The following FRMPD1 variants were observed in gnomAD, a reference collection of about 807,000 sequenced individuals.
FRMPD1 encodes FERM and PDZ domain containing 1.
A neutral mutation model predicts 117.8 loss-of-function variants in FRMPD1; 76 were observed. The observed-to-expected ratio is 0.65, with a 90% CI of 0.54 to 0.78. The LOEUF (loss-of-function observed/expected upper bound fraction) is 0.78. FRMPD1 is among the 30% of genes least tolerant of loss of function. The pLI is 0.00. For synonymous variants in FRMPD1, 783 were observed against 770.4 expected, an observed-to-expected ratio of 1.02 and a Z score of -0.27; for missense variants, 1,786 against 1,964.5, an observed-to-expected ratio of 0.91 and a Z score of 1.72.
upstream of FRMPD1, among the ~76,000 whole-genome samples, chr9:37,647,451 G>A (rs1824162303): frequency 6.6e-6 from 1 of 150,480 alleles, no homozygotes; most frequent in South Asian, 2.1e-4. Flanking sequence ...GGAGGAGCTT[G>A]CAGTGAGCCG....
At chr9:37,680,036 G>A (rs1022277053) in intron 1 of FRMPD1, among the ~76,000 whole-genome samples, 26 of 152,202 alleles carry the variant, frequency 1.7e-4, no homozygotes, top group African/African-American at 5.8e-4. Context: ...GATGACTTGT[G>A]TGACCAACTT....
At chr9:37,634,719 A>G in the FRMPD1 span, among the ~76,000 whole-genome samples, 1 of 151,470 alleles carries the variant, frequency 6.6e-6, no homozygotes, top group African/African-American at 2.4e-5. Flanking sequence ...GTTTCCTAAG[A>G]CAAGATACAT....
At chr9:37,660,542 T>C (rs1820970986) in intron 1 of FRMPD1, among the ~76,000 whole-genome samples, 1 of 152,178 alleles carries the variant, frequency 6.6e-6, no homozygotes. Context: ...CCTCCGCTTC[T>C]CATTTCTCTT....
At chr9:37,647,275 C>T (rs970896220), upstream of FRMPD1, among the ~76,000 whole-genome samples, 7 of 151,858 alleles carry the variant, frequency 4.6e-5, no homozygotes, top group East Asian at 1.3e-3. Context: ...TTTGGGAGGT[C>T]GAGACGGGCG....
chr9:37,683,605 G>A (rs1331330475), intron 1 of FRMPD1, among the ~76,000 whole-genome samples: 3 of 152,234 alleles, frequency 2.0e-5, no homozygotes, highest in African/African-American at 7.2e-5. Context: ...ACGAGGGCAT[G>A]AGAAACCAAA....
intron 6 of FRMPD1, among the ~76,000 whole-genome samples, chr9:37,720,945 G>A (rs1823374059): frequency 6.6e-6 from 1 of 152,248 alleles, no homozygotes; most frequent in Admixed American, 6.5e-5. Context: ...CATGCACAGT[G>A]ATGAGTAGTG....
intron 12 of FRMPD1, 43 bp downstream of exon 12, chr9:37,733,868 C>A: frequency 1.9e-6 from 2 of 1,030,982 alleles, no homozygotes; most frequent in South Asian, 1.3e-5. Flanking sequence ...CGTAAGGGAC[C>A]TTAGAGATCC....
chr9:37,610,050 C>T, the FRMPD1 span, among the ~76,000 whole-genome samples: 4 of 152,220 alleles, frequency 2.6e-5, no homozygotes, highest in Non-Finnish European at 5.9e-5. Flanking sequence ...TGTTTCTTCC[C>T]AACTTTAGTT....
the FRMPD1 span, among the ~76,000 whole-genome samples, chr9:37,612,241 C>T: frequency 6.6e-6 from 1 of 152,218 alleles, no homozygotes; most frequent in Non-Finnish European, 1.5e-5. Context: ...TGCACAGTGG[C>T]TCTCTGTGGG....
intron 2 of FRMPD1, among the ~76,000 whole-genome samples, chr9:37,695,111 T>G (rs1482755527): frequency 6.6e-6 from 1 of 152,226 alleles, no homozygotes; most frequent in Admixed American, 6.5e-5. Flanking sequence ...AATGCTGCTA[T>G]GAACAATTGT....
the FRMPD1 span, chr9:37,636,684 C>T: frequency 1.3e-6 from 2 of 1,544,692 alleles, no homozygotes; most frequent in African/African-American, 2.8e-5. Context: ...CTCCAGTGCC[C>T]CTCCTAGCAA....
chr9:37,636,757 G>C, the FRMPD1 span: 14 of 1,602,296 alleles, frequency 8.7e-6, no homozygotes, highest in African/African-American at 1.8e-4. Flanking sequence ...GCTCGCCCCC[G>C]GAGGCTGCTC....
intron 1 of FRMPD1, among the ~76,000 whole-genome samples, chr9:37,653,471 C>A (rs1028486629): frequency 6.6e-6 from 1 of 152,058 alleles, no homozygotes; most frequent in African/African-American, 2.4e-5. Flanking sequence ...ATTCAAGGGG[C>A]AGGGGCTTTT....
chr9:37,613,629 GA>G, the FRMPD1 span, among the ~76,000 whole-genome samples: 1 of 152,208 alleles, frequency 6.6e-6, no homozygotes, highest in Non-Finnish European at 1.5e-5. Flanking sequence ...ACCATGGACT[GA>G]AAACATCAGG....
At chr9:37,623,367 A>G in the FRMPD1 span, among the ~76,000 whole-genome samples, 27 of 152,360 alleles carry the variant, frequency 1.8e-4, no homozygotes, top group South Asian at 4.3e-3. Context: ...GGAAACAAAC[A>G]CAAAGAGACT....
At chr9:37,719,543 G>A (rs1823302710) in intron 6 of FRMPD1, among the ~76,000 whole-genome samples, 1 of 152,110 alleles carries the variant, frequency 6.6e-6, no homozygotes, top group African/African-American at 2.4e-5. Context: ...GGTGGTGATG[G>A]GATTGCTTTT....
At chr9:37,728,318 T>G (rs1823703008) in intron 7 of FRMPD1, among the ~76,000 whole-genome samples, 1 of 151,996 alleles carries the variant, frequency 6.6e-6, no homozygotes, top group African/African-American at 2.4e-5. Flanking sequence ...TAAATAATGG[T>G]GAGGGAAATA....
chr9:37,655,163 T>G (rs1251279299), intron 1 of FRMPD1, among the ~76,000 whole-genome samples: 2 of 152,134 alleles, frequency 1.3e-5, no homozygotes, highest in African/African-American at 4.8e-5. Flanking sequence ...GGAGGCTAAT[T>G]GTCTGTGCCT....
intron 13 of FRMPD1, among the ~76,000 whole-genome samples, chr9:37,736,531 C>CAAA (rs57388208): frequency 0.02 from 1,807 of 88,530 alleles, 39 homozygotes; most frequent in African/African-American, 0.064. Flanking sequence ...AACTCTGTCT[C>CAAA]AAAAAAAAAA....
Sources: allele counts gnomAD v4.1 joint callset (sites outside exome capture counted in the v4.1 genomes callset), GRCh38; gene constraint gnomAD v4.1.1; transcripts MANE v1.5; gene names NCBI Gene and HGNC (gene_info 2026-07-23, HGNC 2026-07-21).